The following SUSD4 variants were observed in gnomAD, a reference collection of about 807,000 sequenced individuals.
SUSD4 encodes the protein sushi domain-containing protein 4.
SUSD4 carries 41 observed loss-of-function variants against 50.5 expected under a neutral mutation model. The observed-to-expected ratio is 0.81, with a 90% CI of 0.63 to 1.05. The LOEUF (loss-of-function observed/expected upper bound fraction) is 1.05. SUSD4 is among the 50% of genes least tolerant of loss of function. The pLI, the probability that SUSD4 is intolerant of heterozygous loss-of-function variation, is 0.00. For missense variants in SUSD4, 580 were observed against 634.7 expected, an observed-to-expected ratio of 0.91 and a Z score of 0.93; for synonymous variants, 257 against 257.3, an observed-to-expected ratio of 1.00 and a Z score of 0.01.
intron 1 of SUSD4, 97 bp from the exon 2 acceptor site, chr1:223,363,557 C>T (rs967526666): frequency 3.8e-6 from 5 of 1,326,456 alleles, no homozygotes; most frequent in Admixed American, 6.0e-5. Context: ...CCTCGGCTTC[C>T]CAGGCTCCAT....
intron 3 of SUSD4, among the ~76,000 whole-genome samples, chr1:223,268,964 T>C (rs962314982): frequency 6.6e-6 from 1 of 152,164 alleles, no homozygotes; most frequent in Non-Finnish European, 1.5e-5. Context: ...GCTGATCTTA[T>C]GAACAATTTT....
At chr1:223,327,302 G>A (rs1324597049) in intron 2 of SUSD4, among the ~76,000 whole-genome samples, 2 of 152,274 alleles carry the variant, frequency 1.3e-5, no homozygotes, top group East Asian at 3.9e-4. Flanking sequence ...GGCATACATT[G>A]ATATAATGGA....
In SUSD4 at chr1:223,258,212, C is replaced by A. The variant is rs369505779; in HGVS notation, c.724+6418G>T. ...ATACCAGGCGCCTCTTGTACCTGAA[C>A]GTGTTTTGACTCAGGAACAAAGTAC... On this transcript the variant is annotated intron_variant, in intron 5 of 8. Transcript: ENST00000366878. Among the ~76,000 whole-genome samples, 22 of 152,242 alleles carry A rather than the reference C, an allele frequency of 1.4e-4. No homozygotes were observed. In the South Asian group the frequency reaches 3.9e-3, roughly 27 times the overall value.
chr1:223,281,692 T>C (rs1318552661), intron 3 of SUSD4, among the ~76,000 whole-genome samples: 1 of 152,184 alleles, frequency 6.6e-6, no homozygotes, highest in Non-Finnish European at 1.5e-5. Context: ...CTTCTGAAAC[T>C]ATTCCAATCA....
At chr1:223,317,806 C>T (rs1178323584) in intron 2 of SUSD4, among the ~76,000 whole-genome samples, 1 of 146,656 alleles carries the variant, frequency 6.8e-6, no homozygotes, top group African/African-American at 2.5e-5. Flanking sequence ...GCCCTGACTT[C>T]ACTGGGAGCT....
intron 5 of SUSD4, among the ~76,000 whole-genome samples, chr1:223,237,106 G>A (rs1198911208): frequency 6.6e-6 from 1 of 151,996 alleles, no homozygotes; most frequent in African/African-American, 2.4e-5. Flanking sequence ...TTTAGGGGCA[G>A]CTAATGTAAA....
intron 2 of SUSD4, among the ~76,000 whole-genome samples, chr1:223,338,789 A>G (rs1667594035): frequency 3.3e-5 from 5 of 152,232 alleles, no homozygotes; most frequent in Admixed American, 3.3e-4. Flanking sequence ...GATGGGGAAC[A>G]TGGAGGGAGA....
chr1:223,362,366 T>C (rs555400324), intron 2 of SUSD4, among the ~76,000 whole-genome samples: 25 of 152,344 alleles, frequency 1.6e-4, no homozygotes, highest in African/African-American at 6.0e-4. Context: ...TTTATTTATA[T>C]ATTAACAGTA....
intron 7 of SUSD4, among the ~76,000 whole-genome samples, chr1:223,224,862 C>CTTTTTTTT (rs11345619): frequency 3.4e-5 from 2 of 59,234 alleles, no homozygotes; most frequent in African/African-American, 1.4e-4. Context: ...TGGTTTCTTC[C>CTTTTTTTT]TTTTTTTTTT....
At chr1:223,352,022 T>G (rs1381644471) in intron 2 of SUSD4, among the ~76,000 whole-genome samples, 11 of 151,940 alleles carry the variant, frequency 7.2e-5, no homozygotes, top group African/African-American at 2.7e-4. Context: ...ACAGAAACCA[T>G]GTAGCAAAGT....
In SUSD4 at chr1:223,252,219, TAAAAAAAAAAA is replaced by T. The variant is rs68004270; in HGVS notation, c.724+12400_724+12410del. On this transcript the variant is annotated intron_variant, in intron 5 of 8. Coordinates refer to ENST00000366878, the MANE Select transcript of SUSD4 (RefSeq NM_017982.4). ...TGTACCCTAGAACTTAAAGTATAAT[TAAAAAAAAAAA>T]AAAAAAATATATATATATATATATA... 3.5e-3 allele frequency among the ~76,000 whole-genome samples: 456 copies of T among 129,080 alleles called. 1 individual carries two copies. Among genetic ancestry groups the T allele is most frequent in the African/African-American group, 7.4e-3 (244 of 32,800 alleles). 84.7% of individuals were successfully genotyped at this position (129,080 alleles called of 152,430 possible).
At chr1:223,317,811 G>A (rs1359481163) in intron 2 of SUSD4, among the ~76,000 whole-genome samples, 1 of 149,286 alleles carries the variant, frequency 6.7e-6, no homozygotes, top group Non-Finnish European at 1.5e-5. Context: ...GACTTCACTG[G>A]GAGCTCGTCA....
chr1:223,312,289 G>A lies in SUSD4; in HGVS notation c.149-19638C>T, dbSNP rs552784760. Among the ~76,000 whole-genome samples the A allele has an allele frequency of 5.9e-5, 9 of 152,160 alleles. 1 individual carries two copies. Among genetic ancestry groups the A allele is most frequent in the African/African-American group, 9.7e-5 (4 of 41,436 alleles). Reference sequence around the variant, plus strand: ...TAATTTTTTATGGAGCCTACAATTTGTCTCATTAGTGGGCAAATAGGACAG... The same window carrying A: ...TAATTTTTTATGGAGCCTACAATTTATCTCATTAGTGGGCAAATAGGACAG... On this transcript the variant is annotated intron_variant, in intron 2 of 8. Coordinates refer to ENST00000366878, the MANE Select transcript of SUSD4 (RefSeq NM_017982.4).
chr1:223,241,140 T>C (rs1159232549), intron 5 of SUSD4, among the ~76,000 whole-genome samples: 1 of 152,176 alleles, frequency 6.6e-6, no homozygotes, highest in Non-Finnish European at 1.5e-5. Flanking sequence ...CCCAGCAGTT[T>C]TGGCTGTGGT....
rs1571990898 is a variant in SUSD4 at position 223,292,301 on chromosome 1, C to T, written c.361+138G>A. 4 of 868,394 alleles carry T rather than the reference C, an allele frequency of 4.6e-6. No individual in the cohort carries two copies. The East Asian group carries it at 9.8e-5, about 21-fold the overall frequency. The allele number at this position is 868,394 out of a possible 1,614,324, so 53.8% of individuals were successfully genotyped here. On this transcript the variant is annotated intron_variant, in intron 3 of 8. Transcript: ENST00000366878. The stretch of plus-strand genomic sequence containing the variant: ...TCCCAACCCTCATTACCCACTCCTG[C>T]TTTCTGGTCAGCATGCAGGTGCAGC...
chr1:223,354,187 A>G (rs544307160), intron 2 of SUSD4, among the ~76,000 whole-genome samples: 1 of 152,350 alleles, frequency 6.6e-6, no homozygotes, highest in South Asian at 2.1e-4. Context: ...GGCATCCAGA[A>G]TTCAGATTAC....
intron 3 of SUSD4, among the ~76,000 whole-genome samples, chr1:223,277,653 G>A (rs1306641046): frequency 6.6e-6 from 1 of 152,150 alleles, no homozygotes; most frequent in Non-Finnish European, 1.5e-5. Context: ...GATCCTGACA[G>A]GCAGCCTGGG....
At chr1:223,304,397 AG>A (rs1388972121) in intron 2 of SUSD4, among the ~76,000 whole-genome samples, 3 of 152,272 alleles carry the variant, frequency 2.0e-5, no homozygotes, top group South Asian at 4.1e-4. Flanking sequence ...CAATAGTTTC[AG>A]GGGGTCTCCC....
intron 5 of SUSD4, among the ~76,000 whole-genome samples, chr1:223,238,660 T>C (rs1660376630): frequency 6.6e-6 from 1 of 152,022 alleles, no homozygotes; most frequent in South Asian, 2.1e-4. Context: ...CTTTCTGGTG[T>C]TGATTTCTGT....
Sources: gnomAD v4.1 joint callset for allele counts (sites outside exome capture counted in the v4.1 genomes callset) on GRCh38, gnomAD v4.1.1 for gene constraint, MANE v1.5 for transcripts, NCBI Gene and HGNC (gene_info 2026-07-23, HGNC 2026-07-21) for gene names.